Variants in SOD2 observed in about 807,000 individuals in gnomAD.
SOD2 encodes superoxide dismutase 2.
A neutral mutation model predicts 27.0 loss-of-function variants in SOD2; 11 were observed. That is an observed-to-expected ratio of 0.41 (90% CI 0.26 to 0.67). The LOEUF (loss-of-function observed/expected upper bound fraction) is 0.67, where lower values mean the gene tolerates loss of function less well. Ranked by LOEUF, SOD2 falls within the 30% of genes least tolerant of loss-of-function variation. The probability of loss-of-function intolerance (pLI) is 0.34; values close to 1 mark genes in which losing one functional copy is unlikely to be tolerated. For missense variants in SOD2, 250 were observed against 274.5 expected (o/e 0.91, Z 0.63); for synonymous variants, 105 against 103.0 (o/e 1.02, Z -0.12).
chr6:159,709,874 C>A (rs1777697955), intron 1 of SOD2, among the ~76,000 whole-genome samples: 1 of 151,980 alleles, frequency 6.6e-6, no homozygotes, highest in East Asian at 1.9e-4. Context: ...ACCCAAATGT[C>A]CAACAATGAT....
At chr6:159,719,268 T>C (rs1777982839) in intron 1 of SOD2, among the ~76,000 whole-genome samples, 1 of 152,110 alleles carries the variant, frequency 6.6e-6, no homozygotes, top group Non-Finnish European at 1.5e-5. Flanking sequence ...CCCATGCCTA[T>C]AATCCCAGCA....
intron 1 of SOD2, among the ~76,000 whole-genome samples, chr6:159,709,362 A>T (rs1272350802): frequency 1.3e-5 from 2 of 152,236 alleles, no homozygotes; most frequent in African/African-American, 4.8e-5. Flanking sequence ...TTTGCAATCT[A>T]CTCATCTGAC....
intron 1 of SOD2, among the ~76,000 whole-genome samples, chr6:159,723,815 C>G (rs76929306): frequency 0.012 from 1,812 of 152,250 alleles, 44 homozygotes; most frequent in African/African-American, 0.042. Context: ...CTGTAGTGCA[C>G]TGGTGAGATC....
chr6:159,747,980 T>A (rs1040273839), upstream of SOD2, among the ~76,000 whole-genome samples: 5 of 152,196 alleles, frequency 3.3e-5, no homozygotes. Flanking sequence ...TGTATAGTGA[T>A]CAGATCGGGG....
At position 159,669,525 on chromosome 6, in the gene SOD2, G is replaced by A. The variant is rs892621504; in HGVS notation, c.*12968C>T. On this transcript the variant is annotated 3_prime_UTR_variant, in exon 5 of 5. Coordinates refer to ENST00000538183, the MANE Select transcript of SOD2 (RefSeq NM_000636.4). ...ATATTTATAATGATAATATCCTCAG[G>A]CCTGGCACAGTGGCTCATGCCTATA... is the stretch of plus-strand genomic sequence containing the variant. The A allele has an allele frequency of 1.3e-5, 2 of 151,978 alleles. No individual in the cohort carries two copies. Among genetic ancestry groups the A allele is most frequent in the Non-Finnish European group, 2.9e-5 (2 of 68,014 alleles). 9.4% of individuals were successfully genotyped at this position (151,978 alleles called of 1,614,324 possible).
intron 1 of SOD2, among the ~76,000 whole-genome samples, chr6:159,710,704 C>G (rs1411731299): frequency 2.7e-5 from 4 of 150,448 alleles, no homozygotes; most frequent in Admixed American, 6.6e-5. Context: ...ATCACCCTAA[C>G]CACCTCCATA....
upstream of SOD2, among the ~76,000 whole-genome samples, chr6:159,747,919 GT>G (rs1779672151): frequency 6.6e-6 from 1 of 152,030 alleles, no homozygotes; most frequent in South Asian, 2.1e-4. Flanking sequence ...TGACAAATAA[GT>G]TTTTTACATA....
chr6:159,682,790 A>T, intron 4 of SOD2, 152 bp from the exon 5 acceptor site: 1 of 617,806 alleles, frequency 1.6e-6, no homozygotes, highest in South Asian at 3.2e-5. Context: ...GGAAATCTAG[A>T]TAAGAATGAA....
At chr6:159,742,832 GA>G (rs1779342635) in intron 1 of SOD2, among the ~76,000 whole-genome samples, 2 of 151,876 alleles carry the variant, frequency 1.3e-5, no homozygotes, top group African/African-American at 4.8e-5. Flanking sequence ...AAGGTGGGAA[GA>G]TCACTTGAGC....
At chr6:159,702,784 A>C (rs1442733532) in intron 1 of SOD2, among the ~76,000 whole-genome samples, 2 of 139,622 alleles carry the variant, frequency 1.4e-5, no homozygotes, top group Non-Finnish European at 3.1e-5. Flanking sequence ...CAGAAGGCAG[A>C]GGATGCAGTA....
rs1221108164 is a variant in SOD2 at position 159,677,200 on chromosome 6, G to A, written c.*5293C>T. On this transcript the variant is annotated 3_prime_UTR_variant, in exon 5 of 5. Transcript: ENST00000538183. ...TGGAATCACCGTGACGCTGGGCATC[G>A]AGACTACTGGGTGCAACAATGGGAC... The A allele has an allele frequency of 2.6e-5, 4 of 152,166 alleles. No individual in the cohort carries two copies. Among genetic ancestry groups the A allele is most frequent in the Admixed American group, 6.5e-5 (1 of 15,268 alleles). The allele number at this position is 152,166 out of a possible 1,614,324, so 9.4% of individuals were successfully genotyped here. A position where few individuals can be genotyped will look rare whatever the true frequency, so the allele number is the denominator to read the frequency against.
At chr6:159,688,503 G>A (rs1469515121) in intron 2 of SOD2, among the ~76,000 whole-genome samples, 1 of 121,958 alleles carries the variant, frequency 8.2e-6, no homozygotes, top group Non-Finnish European at 1.9e-5. Flanking sequence ...TTAGATAGAA[G>A]AGATTTTAGG....
chr6:159,761,869 C>CCCCGCGG (rs1319038307), exon 1 of SOD2: 2 of 137,984 alleles, frequency 1.4e-5, no homozygotes, highest in Non-Finnish European at 2.4e-5. Context: ...CTCACTTCCG[C>CCCCGCGG]CCCGCGCCCC....
At chr6:159,736,298 A>G in intron 1 of SOD2, 1 of 1,604,130 alleles carries the variant, frequency 6.2e-7, no homozygotes, top group South Asian at 1.1e-5. Flanking sequence ...CCAAGAAGGT[A>G]TGGGTTTTGG....
intron 1 of SOD2, among the ~76,000 whole-genome samples, chr6:159,707,913 A>C (rs914522603): frequency 6.6e-6 from 1 of 152,216 alleles, no homozygotes; most frequent in African/African-American, 2.4e-5. Flanking sequence ...CCAAAAGTTT[A>C]TCCACCGTGA....
intron 1 of SOD2, among the ~76,000 whole-genome samples, chr6:159,701,010 GAGA>G (rs1777514418): frequency 2.0e-5 from 3 of 152,164 alleles, no homozygotes; most frequent in African/African-American, 7.2e-5. Context: ...CCAAAACCAT[GAGA>G]AGGAGTCCAC....
chr6:159,746,554 C>T (rs1397638773), upstream of SOD2, among the ~76,000 whole-genome samples: 1 of 152,132 alleles, frequency 6.6e-6, no homozygotes, highest in East Asian at 1.9e-4. Flanking sequence ...ATTTCTTTGT[C>T]TACATGCAGT....
chr6:159,711,604 T>A lies in SOD2; in HGVS notation c.-116+15525A>T, dbSNP rs536638906. 9.3e-3 allele frequency among the ~76,000 whole-genome samples: 554 copies of A among 59,666 alleles called. 1 individual carries two copies. The highest frequency in any genetic ancestry group is 0.014 in the Non-Finnish European group (399 of 28,130). 39.1% of individuals were successfully genotyped at this position (59,666 alleles called of 152,430 possible). The stretch of plus-strand genomic sequence containing the variant: ...CACTGCTCTGACCACCATAACCACC[T>A]CCATAACCACCACTCAGCTGCTCTG... On this transcript the variant is annotated intron_variant, in intron 1 of 2. Coordinates refer to the SOD2 transcript ENST00000401980.
At chr6:159,753,027 G>T (rs980646031) in intron 1 of SOD2, among the ~76,000 whole-genome samples, 3 of 152,102 alleles carry the variant, frequency 2.0e-5, no homozygotes, top group African/African-American at 7.2e-5. Flanking sequence ...TTATTTGTAG[G>T]TACTGATTTT....
Sources: gnomAD v4.1 joint callset for allele counts (sites outside exome capture counted in the v4.1 genomes callset) on GRCh38, gnomAD v4.1.1 for gene constraint, MANE v1.5 for transcripts, NCBI Gene and HGNC (gene_info 2026-07-23, HGNC 2026-07-21) for gene names.